Variants in TIAM2 observed in about 807,000 individuals in gnomAD.
TIAM2 encodes the protein rho guanine nucleotide exchange factor TIAM2.
In TIAM2, 80 loss-of-function variants were observed where a neutral mutation model predicts 152.9. The observed-to-expected ratio is 0.52, with a 90% CI of 0.44 to 0.63. TIAM2 has a LOEUF of 0.63. TIAM2 is among the 30% of genes least tolerant of loss of function. The pLI, the probability that TIAM2 is intolerant of heterozygous loss-of-function variation, is 0.00. For synonymous variants in TIAM2, 804 were observed against 838.0 expected (o/e 0.96, Z 0.70); for missense variants, 1,965 against 2,120.1 (o/e 0.93, Z 1.44).
At chr6:155,187,561 C>T (rs1345677467) in intron 14 of TIAM2, among the ~76,000 whole-genome samples, 1 of 124,156 alleles carries the variant, frequency 8.1e-6, no homozygotes, top group Non-Finnish European at 1.8e-5. Context: ...CCCCCCTCCC[C>T]CACCCCGCCC....
chr6:155,158,777 GTT>G (rs10643930), intron 7 of TIAM2, among the ~76,000 whole-genome samples: 1 of 145,832 alleles, frequency 6.9e-6, no homozygotes, highest in Non-Finnish European at 1.5e-5. Context: ...GGCTGCAAGT[GTT>G]TTTTTTTTTC....
intron 1 of TIAM2, among the ~76,000 whole-genome samples, chr6:155,047,694 A>AGAGAGAGAG (rs1777217260): frequency 2.6e-4 from 2 of 7,560 alleles, no homozygotes; most frequent in African/African-American, 7.4e-4. Flanking sequence ...GAGAGGAGAG[A>AGAGAGAGAG]GAGAGAGAGA....
chr6:155,176,767 C>T (rs1780768776), intron 9 of TIAM2, 49 bp from the exon 10 acceptor site: 1 of 1,592,180 alleles, frequency 6.3e-7, no homozygotes, highest in African/African-American at 1.4e-5. Context: ...TGGTTTCCTT[C>T]ATTTGTTAAT....
chr6:155,232,104 A>C (rs200199948), intron 15 of TIAM2, among the ~76,000 whole-genome samples: 5 of 82,512 alleles, frequency 6.1e-5, no homozygotes, highest in Non-Finnish European at 1.1e-4. Flanking sequence ...AAAACAAAAA[A>C]AAACAAAAAC....
rs1187667361 is a variant in TIAM2 at position 155,050,346 on chromosome 6, A to G, written c.-208-39943A>G. On this transcript the variant is annotated intron_variant, in intron 1 of 26. Coordinates refer to ENST00000682666, the MANE Select transcript of TIAM2 (RefSeq NM_012454.4). ...TGGCCTCAGTATATTTAAAATCAAA[A>G]CAATGACTTTGGAGCTGGTGCTGGC... Among the ~76,000 whole-genome samples, 3 of 152,192 alleles carry G rather than the reference A, an allele frequency of 2.0e-5. No homozygotes were observed. The East Asian group carries it at 5.8e-4, about 29-fold the overall frequency.
At chr6:155,094,742 TTTTG>T (rs1778382100) in intron 2 of TIAM2, among the ~76,000 whole-genome samples, 1 of 151,112 alleles carries the variant, frequency 6.6e-6, no homozygotes, top group African/African-American at 2.4e-5. Flanking sequence ...TTTTTTGTTT[TTTTG>T]TTTTTTTGTT....
intron 2 of TIAM2, among the ~76,000 whole-genome samples, chr6:155,099,229 TG>T (rs1288912477): frequency 1.1e-5 from 1 of 92,740 alleles, no homozygotes; most frequent in Non-Finnish European, 2.1e-5. Flanking sequence ...TATGTGTGTG[TG>T]TGTGTGTGTG....
At chr6:155,050,633 T>C (rs979356657) in intron 1 of TIAM2, among the ~76,000 whole-genome samples, 2 of 152,326 alleles carry the variant, frequency 1.3e-5, no homozygotes, top group African/African-American at 4.8e-5. Context: ...TAGCTTCTCA[T>C]TTCCTTGCAG....
At chr6:155,153,888 G>A (rs1049604852) in intron 7 of TIAM2, among the ~76,000 whole-genome samples, 7 of 152,106 alleles carry the variant, frequency 4.6e-5, no homozygotes, top group African/African-American at 1.7e-4. Flanking sequence ...TCCCAAACTG[G>A]TGGGATTACA....
In TIAM2 at chr6:155,213,538, G is replaced by C. The variant is rs187248158; in HGVS notation, c.3168+2231G>C. Among the ~76,000 whole-genome samples, 69 of 152,300 alleles carry C rather than the reference G, an allele frequency of 4.5e-4. 1 individual carries two copies. Among genetic ancestry groups the C allele is most frequent in the African/African-American group, 1.6e-3 (65 of 41,578 alleles). ...ACTGATTGGTCCATAGTGGCCATGA[G>C]CAGACCCAGAAAAAGCTCCATAAGT... On this transcript the variant is annotated intron_variant, in intron 15 of 26. Coordinates refer to ENST00000682666, the MANE Select transcript of TIAM2 (RefSeq NM_012454.4). This position sits in a 1 kb window ranked among gnomAD's most constrained non-coding sequence, Gnocchi z 4.2.
chr6:155,205,553 CA>C (rs1240428406), intron 14 of TIAM2, among the ~76,000 whole-genome samples: 1 of 152,106 alleles, frequency 6.6e-6, no homozygotes, highest in Admixed American at 6.5e-5. Context: ...CCAGGGACTA[CA>C]AAGAACTTTC....
At chr6:155,238,921 T>C (rs1782898491) in intron 15 of TIAM2, among the ~76,000 whole-genome samples, 2 of 152,178 alleles carry the variant, frequency 1.3e-5, no homozygotes, top group South Asian at 4.1e-4. Flanking sequence ...AGTTTTAATG[T>C]GGATTGTATA....
intron 1 of TIAM2, among the ~76,000 whole-genome samples, chr6:155,069,370 A>G (rs921768789): frequency 6.6e-6 from 1 of 152,136 alleles, no homozygotes; most frequent in African/African-American, 2.4e-5. Context: ...CTGAGATTAC[A>G]GGGGTAAGCA....
In TIAM2 at chr6:155,220,929, A is replaced by G. The variant is rs567058087; in HGVS notation, c.3168+9622A>G. On this transcript the variant is annotated intron_variant, in intron 15 of 26. Coordinates refer to ENST00000682666, the MANE Select transcript of TIAM2 (RefSeq NM_012454.4). ...ATCCGTCTCCTAGCTCCCCACCTCC[A>G]CTACAGGCCCCGGTGTGTGATGTTC... Among the ~76,000 whole-genome samples, 5 of 151,704 alleles carry G rather than the reference A, an allele frequency of 3.3e-5. No individual in the cohort carries two copies. In the East Asian group the frequency reaches 7.8e-4, roughly 24 times the overall value.
intron 1 of TIAM2, among the ~76,000 whole-genome samples, chr6:155,056,812 C>T (rs183112624): frequency 6.6e-6 from 1 of 151,746 alleles, no homozygotes; most frequent in Non-Finnish European, 1.5e-5. Flanking sequence ...AGCCCATATT[C>T]GATTCTCATT....
Position 155,137,418 on chromosome 6 carries a change from C to G in TIAM2, c.1436C>G (p.Ser479Cys). Residue 479 changes from serine to cysteine, a missense_variant, in exon 5 of 27, where the codon TCT (serine) becomes TGT (cysteine). By Grantham distance (112) the Ser-to-Cys change is moderately radical. Transcript: ENST00000682666. ...SRTNTENIET[S>C]TETAESSSES... Reference sequence around the variant, plus strand: ...ACCAACACTGAGAACATAGAAACATCTACAGAAACCGCCGAGTCCAGCAGC... The same window carrying G: ...ACCAACACTGAGAACATAGAAACATGTACAGAAACCGCCGAGTCCAGCAGC... 6.2e-7 allele frequency: 1 copy of G among 1,614,224 alleles called. No homozygotes were observed. Among genetic ancestry groups the G allele is most frequent in the Non-Finnish European group, 8.5e-7 (1 of 1,180,038 alleles).
At chr6:155,216,891 C>G in intron 15 of TIAM2, 1 of 1,174,902 alleles carries the variant, frequency 8.5e-7, no homozygotes, top group Non-Finnish European at 1.1e-6. Context: ...ACCGGTGCTG[C>G]TGTGGAGGAA....
intron 6 of TIAM2, among the ~76,000 whole-genome samples, chr6:155,146,353 C>G (rs1374051391): frequency 6.6e-6 from 1 of 152,126 alleles, no homozygotes; most frequent in African/African-American, 2.4e-5. Context: ...TGCACTCCAG[C>G]CCAGGCGACA....
chr6:155,090,411 CTT>C (rs1171989761), intron 2 of TIAM2, 32 bp downstream of exon 2: 7 of 152,150 alleles, frequency 4.6e-5, no homozygotes, highest in African/African-American at 1.7e-4. Flanking sequence ...ATCTCAAAGG[CTT>C]TAAAAGTATA....
Sources: gnomAD v4.1 joint callset for allele counts (sites outside exome capture counted in the v4.1 genomes callset) on GRCh38, gnomAD v4.1.1 for gene constraint, Gnocchi (gnomAD v3.1) non-coding constraint, MANE v1.5 for transcripts, NCBI Gene and HGNC (gene_info 2026-07-23, HGNC 2026-07-21) for gene names.